PSD3: variants seen among roughly 807,000 people sequenced by gnomAD.
PSD3 encodes PH and SEC7 domain-containing protein 3.
PSD3 carries 49 observed loss-of-function variants against 105.5 expected under a neutral mutation model. The ratio of observed to expected loss-of-function variants is 0.46; its 90% CI spans 0.37 to 0.59. The LOEUF is 0.59. Ranked by LOEUF, PSD3 falls within the 20% of genes least tolerant of loss-of-function variation. The pLI is 0.00. For synonymous variants in PSD3, 557 were observed against 457.8 expected, an observed-to-expected ratio of 1.22 and a Z score of -2.77; for missense variants, 1,561 against 1,263.8, an observed-to-expected ratio of 1.24 and a Z score of -3.57.
At chr8:19,046,480 C>G (rs1304727496) in intron 1 of PSD3, among the ~76,000 whole-genome samples, 1 of 152,176 alleles carries the variant, frequency 6.6e-6, no homozygotes, top group African/African-American at 2.4e-5. Flanking sequence ...TGGGCCATCA[C>G]TTATTCATTC....
At chr8:18,616,051 A>T (rs1473159519) in intron 11 of PSD3, among the ~76,000 whole-genome samples, 2 of 152,144 alleles carry the variant, frequency 1.3e-5, no homozygotes, top group African/African-American at 4.8e-5. Flanking sequence ...TCCCCAACCT[A>T]GGAGCTCCAA....
chr8:18,821,960 G>C (rs1238620200), intron 4 of PSD3, among the ~76,000 whole-genome samples: 1 of 151,610 alleles, frequency 6.6e-6, no homozygotes, highest in Non-Finnish European at 1.5e-5. Context: ...GCAAGTAATC[G>C]AGTTCTTTAA....
chr8:18,693,784 C>T (rs930458393), intron 9 of PSD3, among the ~76,000 whole-genome samples: 1 of 152,196 alleles, frequency 6.6e-6, no homozygotes, highest in Admixed American at 6.5e-5. Context: ...TCAAAATAGC[C>T]TCCTCCTCCA....
intron 4 of PSD3, among the ~76,000 whole-genome samples, chr8:18,838,309 C>T (rs1477289247): frequency 6.6e-6 from 1 of 152,298 alleles, no homozygotes; most frequent in African/African-American, 2.4e-5. Context: ...AGCAATGCCT[C>T]ACCATGCTTG....
At chr8:18,770,389 A>G (rs1033031067) in intron 8 of PSD3, among the ~76,000 whole-genome samples, 1 of 152,176 alleles carries the variant, frequency 6.6e-6, no homozygotes. Context: ...TCACATATGT[A>G]CTTTAAAAAT....
chr8:18,798,127 G>T (rs184516832), intron 8 of PSD3, among the ~76,000 whole-genome samples: 1 of 152,156 alleles, frequency 6.6e-6, no homozygotes, highest in Non-Finnish European at 1.5e-5. Flanking sequence ...GTCATGTCAA[G>T]ATTCACACTG....
rs115486106 is a variant in PSD3, at chr8:18,630,186, T to C, written c.2410+2427A>G. Among the ~76,000 whole-genome samples the C allele has an allele frequency of 3.7e-3, 564 of 151,950 alleles. 3 individuals are homozygous for C. Among genetic ancestry groups the C allele is most frequent in the African/African-American group, 0.013 (528 of 41,462 alleles). On this transcript the variant is annotated intron_variant, in intron 11 of 15. Transcript: ENST00000327040. Reference sequence around the variant, plus strand: ...TGGAAAGCAGGACGAACTTCCTAACTTGCTACAAAGACAAAAGCCCCATGA... The same window carrying C: ...TGGAAAGCAGGACGAACTTCCTAACCTGCTACAAAGACAAAAGCCCCATGA...
At chr8:18,880,507 C>A (rs191092135) in intron 2 of PSD3, among the ~76,000 whole-genome samples, 1 of 152,108 alleles carries the variant, frequency 6.6e-6, no homozygotes. Flanking sequence ...AGGTGAGAGA[C>A]GGTGAGTGCT....
chr8:18,619,137 A>T (rs1449171975), intron 11 of PSD3, among the ~76,000 whole-genome samples: 1 of 152,096 alleles, frequency 6.6e-6, no homozygotes, highest in Non-Finnish European at 1.5e-5. Context: ...AAAAAATCCT[A>T]AGCCCTCCAA....
Position 18,867,701 on chromosome 8 carries a change from C to T in PSD3, c.1607G>A (p.Gly536Asp). The change falls in exon 4 of 16, where the codon GGC (glycine) becomes GAC (aspartate). Residue 536 changes from glycine to aspartate, a missense_variant. Transcript: ENST00000327040. Reference sequence around the variant, plus strand: ...TCCCCAGAAAGCAATCTCCGGGGTGCCTTTCGTGTAGATGGAGTCGCTGGC... The same window carrying T: ...TCCCCAGAAAGCAATCTCCGGGGTGTCTTTCGTGTAGATGGAGTCGCTGGC... The part of the protein sequence containing the change: ...NDASDSIYTK[G>D]TPEIAFWGSN... The T allele has an allele frequency of 1.2e-6, 2 of 1,612,910 alleles. No homozygotes were observed. The highest frequency in any genetic ancestry group is 1.7e-6 in the Non-Finnish European group (2 of 1,179,166).
At chr8:19,055,668 T>C (rs745614237) in intron 1 of PSD3, among the ~76,000 whole-genome samples, 2 of 152,202 alleles carry the variant, frequency 1.3e-5, no homozygotes, top group South Asian at 2.1e-4. Flanking sequence ...AAAGGGTAAG[T>C]ATAGTTGGTG....
At chr8:18,994,786 C>T (rs1228349370) in intron 1 of PSD3, among the ~76,000 whole-genome samples, 1 of 150,220 alleles carries the variant, frequency 6.7e-6, no homozygotes, top group Non-Finnish European at 1.5e-5. Flanking sequence ...TGAATAGCAC[C>T]CATACAGAAG....
intron 2 of PSD3, among the ~76,000 whole-genome samples, chr8:18,922,419 C>G (rs1201220721): frequency 6.6e-6 from 1 of 152,178 alleles, no homozygotes; most frequent in Non-Finnish European, 1.5e-5. Flanking sequence ...GTTCTCAGTT[C>G]TAATTATGAC....
chr8:19,078,185 C>G (rs576235743), intron 1 of PSD3, among the ~76,000 whole-genome samples: 40 of 151,992 alleles, frequency 2.6e-4, no homozygotes, highest in African/African-American at 9.4e-4. Context: ...CATGAGTCAC[C>G]GAGCCAAGCC....
chr8:18,708,783 C>T (rs534511165), intron 9 of PSD3, among the ~76,000 whole-genome samples: 31 of 151,688 alleles, frequency 2.0e-4, no homozygotes, highest in South Asian at 4.2e-4. Context: ...CTGAGGGATC[C>T]GGATTATCTC....
chr8:18,703,285 C>T (rs1801696785), intron 9 of PSD3, among the ~76,000 whole-genome samples: 1 of 152,096 alleles, frequency 6.6e-6, no homozygotes, highest in South Asian at 2.1e-4. Flanking sequence ...GCTCAGGGAC[C>T]AAGATGCAAA....
At chr8:18,850,456 C>T (rs1339402749) in intron 4 of PSD3, among the ~76,000 whole-genome samples, 2 of 152,144 alleles carry the variant, frequency 1.3e-5, no homozygotes, top group African/African-American at 2.4e-5. Flanking sequence ...AGATTATAGG[C>T]AAGACAATTT....
intron 4 of PSD3, among the ~76,000 whole-genome samples, chr8:18,861,580 G>C (rs551282681): frequency 9.2e-5 from 14 of 152,126 alleles, no homozygotes; most frequent in South Asian, 8.3e-4. Flanking sequence ...TCCAGTGCAG[G>C]GTTTCTTGCT....
rs542693578 is a variant in PSD3, at chr8:18,907,147, T to C, written c.130+28887A>G. 1.7e-4 allele frequency among the ~76,000 whole-genome samples: 26 copies of C among 152,326 alleles called. No individual in the cohort carries two copies. The South Asian group carries it at 4.3e-3, about 25-fold the overall frequency. On this transcript the variant is annotated intron_variant, in intron 2 of 15. Coordinates refer to ENST00000327040, the MANE Select transcript of PSD3 (RefSeq NM_015310.4). ...GTAATCTAAGGTTGTTACTGAAAGA[T>C]AAATATTTTTTATAAATTTAGCGTA...
Sources: allele counts gnomAD v4.1 joint callset (sites outside exome capture counted in the v4.1 genomes callset), GRCh38; gene constraint gnomAD v4.1.1; transcripts MANE v1.5; gene names NCBI Gene and HGNC (gene_info 2026-07-23, HGNC 2026-07-21).